The following PARP11 variants were observed in gnomAD, a reference collection of about 807,000 sequenced individuals.
PARP11 encodes protein mono-ADP-ribosyltransferase PARP11.
A neutral mutation model predicts 42.9 loss-of-function variants in PARP11; 31 were observed. That is an observed-to-expected ratio of 0.72 (90% CI 0.54 to 0.98). The LOEUF (loss-of-function observed/expected upper bound fraction) is 0.98, where lower values mean the gene tolerates loss of function less well. Among genes scored for constraint, PARP11 ranks in the 50% least tolerant of loss-of-function variants. The pLI is 0.00. For missense variants in PARP11, 365 were observed against 413.1 expected (o/e 0.88, Z 1.01); for synonymous variants, 137 against 127.3 (o/e 1.08, Z -0.51).
intron 6 of PARP11, among the ~76,000 whole-genome samples, chr12:3,820,340 T>C (rs1343743370): frequency 2.0e-5 from 3 of 152,226 alleles, no homozygotes; most frequent in East Asian, 1.9e-4. Context: ...GACAAAGTTA[T>C]TTTAGTTCTT....
chr12:3,814,267 G>C (rs958177708), intron 6 of PARP11, 79 bp from the exon 7 acceptor site: 2 of 1,171,058 alleles, frequency 1.7e-6, no homozygotes, highest in African/African-American at 3.1e-5. Context: ...AATGAGCAAG[G>C]TTCAATAGAA....
At chr12:3,841,033 A>G in intron 1 of PARP11, 1 of 1,583,952 alleles carries the variant, frequency 6.3e-7, no homozygotes, top group Non-Finnish European at 8.7e-7. Flanking sequence ...AGTGACACAG[A>G]CTTTGACCCC....
At chr12:3,845,355 T>C (rs1947977023) in intron 1 of PARP11, among the ~76,000 whole-genome samples, 1 of 152,212 alleles carries the variant, frequency 6.6e-6, no homozygotes, top group African/African-American at 2.4e-5. Flanking sequence ...TGCCGATATA[T>C]CTTATTTAAT....
chr12:3,814,131 C>G lies in PARP11; in HGVS notation c.606G>C (p.Leu202=), dbSNP rs1398303790. 1 of 1,609,356 alleles carries G rather than the reference C, an allele frequency of 6.2e-7. No individual in the cohort carries two copies. ...RGVPQINEQM[L]FHGTSSEFVE... is the part of the protein sequence containing the mutation. Reference sequence around the variant, plus strand: ...CAAATTCACTGCTGGTACCATGAAACAGCATTTGTTCATTAATCTGAGGCA... The same window carrying G: ...CAAATTCACTGCTGGTACCATGAAAGAGCATTTGTTCATTAATCTGAGGCA... The change falls in exon 7 of 8, where the codon CTG becomes CTC. Residue 202 remains leucine (L), a synonymous_variant. Transcript: ENST00000228820.
At chr12:3,823,481 A>C (rs553128002) in intron 4 of PARP11, among the ~76,000 whole-genome samples, 119 of 152,190 alleles carry the variant, frequency 7.8e-4, no homozygotes, top group African/African-American at 2.7e-3. Flanking sequence ...CCTAGTGCTT[A>C]CGACAGAGCC....
chr12:3,814,561 T>G (rs1947247961), intron 6 of PARP11, among the ~76,000 whole-genome samples: 1 of 152,184 alleles, frequency 6.6e-6, no homozygotes, highest in Admixed American at 6.5e-5. Context: ...AGACAGTGAA[T>G]TCCTTGAGCA....
At position 3,840,994 on chromosome 12, in the gene PARP11, G is replaced by T; in HGVS notation, c.19-10976C>A. Reference sequence around the variant, plus strand: ...TGAACCTACAACTTTTGGACCAACAGGTGTCCCTGCTCCAATTCCTGGTCG... The same window carrying T: ...TGAACCTACAACTTTTGGACCAACATGTGTCCCTGCTCCAATTCCTGGTCG... On this transcript the variant is annotated intron_variant, in intron 1 of 7. Transcript: ENST00000228820. The surrounding 1 kb of genome is among the most constrained non-coding windows in gnomAD (Gnocchi z 4.4). 1 of 1,603,694 alleles carries T rather than the reference G, an allele frequency of 6.2e-7. No homozygotes were observed. Among genetic ancestry groups the T allele is most frequent in the South Asian group, 1.1e-5 (1 of 90,818 alleles).
At chr12:3,841,751 A>G (rs1432347189) in intron 1 of PARP11, 2 of 1,612,478 alleles carry the variant, frequency 1.2e-6, no homozygotes, top group Non-Finnish European at 1.7e-6. Context: ...TTCTTTCCTC[A>G]TGTTTGGCAT....
At chr12:3,858,545 G>A (rs182154966) in intron 1 of PARP11, among the ~76,000 whole-genome samples, 240 of 152,272 alleles carry the variant, frequency 1.6e-3, no homozygotes, top group African/African-American at 5.4e-3. Context: ...CGCCCCTATA[G>A]GAGCCACTAC....
intron 6 of PARP11, chr12:3,814,951 A>G: frequency 2.2e-6 from 1 of 450,490 alleles, no homozygotes. Context: ...GTATACATAC[A>G]CAGGTAGTAA....
At chr12:3,824,959 GATGCTAAAATAAAACCAAAATAA>G (rs1186413275) in intron 4 of PARP11, among the ~76,000 whole-genome samples, 1 of 152,124 alleles carries the variant, frequency 6.6e-6, no homozygotes, top group Non-Finnish European at 1.5e-5. Context: ...TTTATATCGT[GATGCTAAAATAAAACCAAAATAA>G]ATGCTAAAAT....
At chr12:3,823,083 C>A (rs1423347919) in intron 4 of PARP11, among the ~76,000 whole-genome samples, 1 of 152,170 alleles carries the variant, frequency 6.6e-6, no homozygotes, top group African/African-American at 2.4e-5. Flanking sequence ...AAAGGCTGAA[C>A]ATGACACACC....
intron 1 of PARP11, among the ~76,000 whole-genome samples, chr12:3,851,166 T>A (rs1565546930): frequency 6.6e-6 from 1 of 152,102 alleles, no homozygotes; most frequent in East Asian, 1.9e-4. Flanking sequence ...TAGGAACAGC[T>A]CTGGTCCACA....
intron 4 of PARP11, chr12:3,824,519 C>T (rs998262786): frequency 6.0e-6 from 2 of 333,424 alleles, no homozygotes; most frequent in Admixed American, 1.3e-4. Context: ...AATGTATTCC[C>T]ACAGTAAATA....
chr12:3,865,802 C>A (rs1434764234), intron 1 of PARP11, among the ~76,000 whole-genome samples: 1 of 150,276 alleles, frequency 6.7e-6, no homozygotes, highest in African/African-American at 2.4e-5. Flanking sequence ...ATCTGAAAAT[C>A]TCTGTATTTT....
rs559274658 is a variant in PARP11, at chr12:3,815,892, C to T, written c.549-1704G>A. ...TGAGTTCTGTAAATGATAGGCAGCT[C>T]GTTGAATATGTTTGGGAATGGATAC... is the stretch of plus-strand genomic sequence containing the variant. On this transcript the variant is annotated intron_variant, in intron 6 of 7. Coordinates refer to ENST00000228820, the MANE Select transcript of PARP11 (RefSeq NM_020367.6). Among the ~76,000 whole-genome samples the T allele has an allele frequency of 1.3e-4, 20 of 152,226 alleles. 1 individual carries two copies. Among genetic ancestry groups the T allele is most frequent in the African/African-American group, 4.8e-4 (20 of 41,536 alleles).
chr12:3,817,112 AC>A (rs1274666191), intron 6 of PARP11, among the ~76,000 whole-genome samples: 1 of 151,592 alleles, frequency 6.6e-6, no homozygotes, highest in African/African-American at 2.4e-5. Context: ...AATGGCATGA[AC>A]CCCGGAGGCG....
intron 4 of PARP11, among the ~76,000 whole-genome samples, chr12:3,825,466 A>G (rs995058371): frequency 6.6e-6 from 1 of 152,206 alleles, no homozygotes; most frequent in Non-Finnish European, 1.5e-5. Flanking sequence ...AAAGTGAACA[A>G]CTACCTAATT....
chr12:3,822,611 A>C (rs2138027703), intron 4 of PARP11, among the ~76,000 whole-genome samples: 1 of 152,022 alleles, frequency 6.6e-6, no homozygotes, highest in East Asian at 1.9e-4. Flanking sequence ...AAAAAAAAAA[A>C]AAAAAATTAT....
Sources: allele counts gnomAD v4.1 joint callset (sites outside exome capture counted in the v4.1 genomes callset), GRCh38; gene constraint gnomAD v4.1.1; non-coding constraint Gnocchi (gnomAD v3.1); transcripts MANE v1.5; gene names NCBI Gene and HGNC (gene_info 2026-07-23, HGNC 2026-07-21).